The following CCR3 variants were observed in gnomAD, a reference collection of about 807,000 sequenced individuals.
CCR3 encodes C-C chemokine receptor type 3.
For missense variants in CCR3, 419 were observed against 437.5 expected (o/e 0.96, Z 0.38); for synonymous variants, 203 against 179.2 (o/e 1.13, Z -1.06).
chr3:46,229,568 G>A (rs1191361011), intron 2 of CCR3, among the ~76,000 whole-genome samples: 1 of 152,152 alleles, frequency 6.6e-6, no homozygotes, highest in East Asian at 1.9e-4. Flanking sequence ...GGGGTGGAGG[G>A]CAGGAAGGAC....
At chr3:46,249,637 A>G (rs546268743) in intron 1 of CCR3, among the ~76,000 whole-genome samples, 97 of 152,228 alleles carry the variant, frequency 6.4e-4, no homozygotes, top group Non-Finnish European at 1.0e-3. Flanking sequence ...GGGCTCTGGG[A>G]GTGGCTGCCA....
At chr3:46,243,002 T>TACACAAATATATATATATATATATATAC (rs71095087) in intron 1 of CCR3, among the ~76,000 whole-genome samples, 1 of 123,726 alleles carries the variant, frequency 8.1e-6, no homozygotes. Context: ...TATATATATA[T>TACACAAATATATATATATATATATATAC]ACGCACACAC....
chr3:46,238,470 C>G (rs1250838318), upstream of CCR3, among the ~76,000 whole-genome samples: 1 of 152,004 alleles, frequency 6.6e-6, no homozygotes, highest in African/African-American at 2.4e-5. Flanking sequence ...CAAAGTGTTG[C>G]AGCAGTTCTC....
intron 2 of CCR3, among the ~76,000 whole-genome samples, chr3:46,211,473 C>T (rs1245309193): frequency 6.6e-6 from 1 of 151,780 alleles, no homozygotes; most frequent in Non-Finnish European, 1.5e-5. Context: ...ACCCTCTTGC[C>T]CCAGCCTCCC....
chr3:46,252,326 C>T (rs1700330064), intron 1 of CCR3, among the ~76,000 whole-genome samples: 1 of 151,322 alleles, frequency 6.6e-6, no homozygotes, highest in Non-Finnish European at 1.5e-5. Flanking sequence ...CAGGGGTGCA[C>T]CACTACTGCC....
At chr3:46,222,392 A>G (rs1158580910) in intron 2 of CCR3, among the ~76,000 whole-genome samples, 1 of 152,140 alleles carries the variant, frequency 6.6e-6, no homozygotes, top group East Asian at 1.9e-4. Context: ...ACTTTCTCTT[A>G]TTTAATTTGT....
chr3:46,220,203 A>G (rs1268102036), intron 2 of CCR3, among the ~76,000 whole-genome samples: 1 of 152,240 alleles, frequency 6.6e-6, no homozygotes, highest in Non-Finnish European at 1.5e-5. Context: ...TTCTGAAAAG[A>G]AGATACACAA....
intron 2 of CCR3, among the ~76,000 whole-genome samples, chr3:46,224,698 C>T (rs1428015267): frequency 4.2e-5 from 6 of 144,014 alleles, no homozygotes; most frequent in African/African-American, 1.3e-4. Context: ...GATCATGCCA[C>T]TGCACTCCAG....
At chr3:46,231,126 T>C (rs1210311545) in intron 2 of CCR3, among the ~76,000 whole-genome samples, 1 of 152,198 alleles carries the variant, frequency 6.6e-6, no homozygotes, top group Non-Finnish European at 1.5e-5. Context: ...GGTTTCACCA[T>C]GTTGGCCAGG....
chr3:46,259,001 T>C (rs927834653), intron 1 of CCR3, among the ~76,000 whole-genome samples: 3 of 152,216 alleles, frequency 2.0e-5, no homozygotes, highest in African/African-American at 7.2e-5. Context: ...AAAATATGGC[T>C]GTTTCACTCT....
intron 1 of CCR3, among the ~76,000 whole-genome samples, chr3:46,246,292 A>T (rs914809105): frequency 4.6e-5 from 7 of 152,178 alleles, no homozygotes; most frequent in African/African-American, 1.7e-4. Flanking sequence ...TGTCCGTGTG[A>T]AGAGACCACC....
At chr3:46,258,935 T>C (rs1219310331) in intron 1 of CCR3, among the ~76,000 whole-genome samples, 1 of 152,172 alleles carries the variant, frequency 6.6e-6, no homozygotes, top group Non-Finnish European at 1.5e-5. Flanking sequence ...ATCTCTTAGA[T>C]CTCTAAGATT....
intron 2 of CCR3, among the ~76,000 whole-genome samples, chr3:46,214,950 G>C (rs1012387744): frequency 6.6e-6 from 1 of 152,172 alleles, no homozygotes; most frequent in Non-Finnish European, 1.5e-5. Flanking sequence ...TGCTGGCAGA[G>C]AGCCTGAGAG....
chr3:46,229,064 A>G (rs1699933712), intron 2 of CCR3, among the ~76,000 whole-genome samples: 1 of 152,228 alleles, frequency 6.6e-6, no homozygotes, highest in African/African-American at 2.4e-5. Flanking sequence ...GCACATAGGT[A>G]GACTGTATTT....
At chr3:46,254,451 G>GA (rs11453701) in intron 1 of CCR3, among the ~76,000 whole-genome samples, 65,289 of 151,818 alleles carry the variant, frequency 0.43, 15,059 homozygotes, top group East Asian at 0.64. Flanking sequence ...AAGCATAAAG[G>GA]GGAAGTATTT....
chr3:46,260,111 C>A (rs1028108407), intron 1 of CCR3, among the ~76,000 whole-genome samples: 7 of 152,322 alleles, frequency 4.6e-5, no homozygotes, highest in South Asian at 2.1e-4. Flanking sequence ...GAGACTCATT[C>A]ACTATCAGGA....
intron 2 of CCR3, among the ~76,000 whole-genome samples, chr3:46,227,417 G>T (rs1175157380): frequency 6.6e-6 from 1 of 151,682 alleles, no homozygotes; most frequent in East Asian, 1.9e-4. Flanking sequence ...CACTTTTCTT[G>T]ATTTTTTTGA....
intron 1 of CCR3, among the ~76,000 whole-genome samples, chr3:46,250,735 G>A (rs531000807): frequency 6.6e-6 from 1 of 151,966 alleles, no homozygotes; most frequent in Admixed American, 6.6e-5. Flanking sequence ...GAGGAATGGA[G>A]GGTGGAATTT....
chr3:46,231,051 A>T (rs1699959810), intron 2 of CCR3, among the ~76,000 whole-genome samples: 1 of 152,100 alleles, frequency 6.6e-6, no homozygotes, highest in Non-Finnish European at 1.5e-5. Context: ...CAGCCTCCCG[A>T]GTAGCTGGGA....
Sources: gnomAD v4.1 joint callset for allele counts (sites outside exome capture counted in the v4.1 genomes callset) on GRCh38, gnomAD v4.1.1 for gene constraint, MANE v1.5 for transcripts, NCBI Gene and HGNC (gene_info 2026-07-23, HGNC 2026-07-21) for gene names.